The following AXIN1 variants were observed in gnomAD, a reference collection of about 807,000 sequenced individuals.
The protein encoded by AXIN1 is axin-1.
AXIN1 carries 30 observed loss-of-function variants against 76.4 expected under a neutral mutation model. That is an observed-to-expected ratio of 0.39 (90% confidence interval 0.29 to 0.53). The LOEUF (loss-of-function observed/expected upper bound fraction) is 0.53. AXIN1 is among the 20% of genes least tolerant of loss of function. The pLI is 0.66. For missense variants in AXIN1, 1,140 were observed against 1,198.8 expected (o/e 0.95, Z 0.72); for synonymous variants, 545 against 501.4 (o/e 1.09, Z -1.16).
intron 2 of AXIN1, among the ~76,000 whole-genome samples, chr16:327,194 C>T (rs1046951792): frequency 3.9e-5 from 6 of 151,940 alleles, no homozygotes; most frequent in East Asian, 3.9e-4. Flanking sequence ...ACTCCACCTA[C>T]GTATCTCGTG....
At chr16:323,068 G>A (rs2053493655) in intron 2 of AXIN1, among the ~76,000 whole-genome samples, 1 of 152,132 alleles carries the variant, frequency 6.6e-6, no homozygotes, top group Non-Finnish European at 1.5e-5. Flanking sequence ...TAGGAGAGCT[G>A]CTTAAGCCCA....
chr16:289,644 G>C (rs1462612865), intron 9 of AXIN1, 37 bp from the exon 10 acceptor site: 2 of 1,610,316 alleles, frequency 1.2e-6, no homozygotes, highest in African/African-American at 2.7e-5. Context: ...CCTGGTTTTG[G>C]ACTGAGGTCC....
intron 3 of AXIN1, among the ~76,000 whole-genome samples, chr16:313,444 G>T (rs534613988): frequency 3.9e-5 from 6 of 152,360 alleles, no homozygotes; most frequent in Admixed American, 3.3e-4. Flanking sequence ...TTTCCTCATG[G>T]AGAACCCAGC....
chr16:306,095 A>G (rs1411387197), intron 4 of AXIN1, among the ~76,000 whole-genome samples: 1 of 152,090 alleles, frequency 6.6e-6, no homozygotes. Context: ...CTGCTTTATC[A>G]TCCCCTTACC....
At chr16:345,436 C>T (rs1438499962) in intron 2 of AXIN1, among the ~76,000 whole-genome samples, 1 of 152,208 alleles carries the variant, frequency 6.6e-6, no homozygotes, top group Non-Finnish European at 1.5e-5. Context: ...ATAATCTGGC[C>T]GGATGCGGCG....
chr16:341,366 C>T (rs1233366388), intron 2 of AXIN1, among the ~76,000 whole-genome samples: 1 of 152,254 alleles, frequency 6.6e-6, no homozygotes, highest in Non-Finnish European at 1.5e-5. Flanking sequence ...AGCAGCCGGC[C>T]AGCCCTGCCG....
intron 2 of AXIN1, among the ~76,000 whole-genome samples, chr16:319,836 G>A (rs548920551): frequency 1.3e-5 from 2 of 152,274 alleles, no homozygotes; most frequent in African/African-American, 2.4e-5. Flanking sequence ...TTTTAATGAG[G>A]CTGTCTGGTC....
chr16:303,396 T>C (rs1014383816), intron 5 of AXIN1, among the ~76,000 whole-genome samples: 6 of 151,794 alleles, frequency 4.0e-5, no homozygotes, highest in African/African-American at 1.5e-4. Flanking sequence ...TTTTTTTTTT[T>C]TTGAGGTAGA....
Position 291,240 on chromosome 16 carries a change from C to T in AXIN1, c.2244G>A (p.Pro748=), listed in dbSNP as rs749621425. 6.3e-6 allele frequency: 10 copies of T among 1,587,180 alleles called. No individual in the cohort carries two copies. The African/African-American group carries it at 6.7e-5, about 11-fold the overall frequency. The change falls in exon 9 of 11, where the codon CCG becomes CCA. Residue 748 remains proline (P), a synonymous_variant. Transcript: ENST00000262320. ...GRACVRPACA[P]VLHVVPAVSD... ...ACACGGCTGGTACCACGTGCAGCAC[C>T]GGCGCGCACGCTGGCCTGACGCAGG...
intron 2 of AXIN1, among the ~76,000 whole-genome samples, chr16:322,806 GC>G (rs1310334770): frequency 6.6e-6 from 1 of 152,220 alleles, no homozygotes; most frequent in Non-Finnish European, 1.5e-5. Flanking sequence ...AGACACAAAA[GC>G]CTGGCAAGAA....
At chr16:327,748 C>T (rs761640095) in intron 2 of AXIN1, among the ~76,000 whole-genome samples, 3 of 152,234 alleles carry the variant, frequency 2.0e-5, no homozygotes, top group East Asian at 1.9e-4. Context: ...GCTTACAAAG[C>T]GGAAATGACA....
chr16:291,092 G>A lies in AXIN1; in HGVS notation c.2294+98C>T, dbSNP rs577009586. ...ACAGCTGCTTCTGAGCGTGGTACCC[G>A]AGCTCAAGCCCCGGGACGGCGGCTC... On this transcript the variant is annotated intron_variant, in intron 9 of 10. Coordinates refer to ENST00000262320, the MANE Select transcript of AXIN1 (RefSeq NM_003502.4). 1.6e-4 allele frequency: 191 copies of A among 1,167,750 alleles called. 1 individual carries two copies. Among genetic ancestry groups the A allele is most frequent in the Middle Eastern group, 1.1e-3 (5 of 4,640 alleles). The allele number at this position is 1,167,750 out of a possible 1,614,324, so 72.3% of individuals were successfully genotyped here. A position where few individuals can be genotyped will look rare whatever the true frequency, so the allele number is the denominator to read the frequency against.
intron 6 of AXIN1, 100 bp from the exon 7 acceptor site, chr16:297,326 G>A (rs214251): frequency 0.21 from 315,829 of 1,511,090 alleles, 35,790 homozygotes; most frequent in African/African-American, 0.39. Context: ...TAAGGCTCCC[G>A]TGGTGCAGCC....
At chr16:337,279 C>T (rs1344429527) in intron 2 of AXIN1, among the ~76,000 whole-genome samples, 1 of 146,666 alleles carries the variant, frequency 6.8e-6, no homozygotes, top group East Asian at 2.1e-4. Flanking sequence ...TAATTATAAA[C>T]ATGCTGTTAT....
At position 293,555 on chromosome 16, in the gene AXIN1, G is replaced by C. The variant is rs774052762; in HGVS notation, c.2119C>G (p.Leu707Val). ...PHPAPNPLTQ[L>V]EEARRRLEEE... ...TCCAGACGTCGGCGCGCCTCCTCCA[G>C]CTGGGTTAGGGGGTTGGGAGCTGGG... The change falls in exon 8 of 11, where the codon CTG becomes GTG. Residue 707 changes from leucine to valine, a missense_variant. By Grantham distance (32) the Leu-to-Val change is conservative (BLOSUM62 1). Coordinates refer to ENST00000262320, the MANE Select transcript of AXIN1 (RefSeq NM_003502.4). The surrounding 1 kb of genome is among the most constrained non-coding windows in gnomAD (Gnocchi z 4.6). 9 of 1,612,010 alleles carry C rather than the reference G, an allele frequency of 5.6e-6. No homozygotes were observed. The highest frequency in any genetic ancestry group is 7.6e-6 in the Non-Finnish European group (9 of 1,179,982).
intron 2 of AXIN1, among the ~76,000 whole-genome samples, chr16:328,612 C>G (rs987079073): frequency 9.2e-5 from 14 of 152,134 alleles, no homozygotes; most frequent in African/African-American, 3.4e-4. Context: ...GGGAGAATCA[C>G]CTGAACCCAG....
chr16:295,570 CTT>C (rs1351064668), intron 7 of AXIN1, among the ~76,000 whole-genome samples: 2 of 151,950 alleles, frequency 1.3e-5, no homozygotes, highest in East Asian at 3.9e-4. Context: ...AAAAAAAAGT[CTT>C]AATGAATAAA....
intron 3 of AXIN1, among the ~76,000 whole-genome samples, chr16:312,050 C>A (rs1003316645): frequency 1.3e-5 from 2 of 152,176 alleles, no homozygotes; most frequent in Non-Finnish European, 2.9e-5. Context: ...CTAACACTTG[C>A]CTCGGGGTTT....
At chr16:348,058 A>G (rs2054067545) in intron 1 of AXIN1, among the ~76,000 whole-genome samples, 1 of 152,216 alleles carries the variant, frequency 6.6e-6, no homozygotes, top group Admixed American at 6.5e-5. Flanking sequence ...TCAGGGAACT[A>G]TAGAATTTGC....
Sources: gnomAD v4.1 joint callset for allele counts (sites outside exome capture counted in the v4.1 genomes callset) on GRCh38, gnomAD v4.1.1 for gene constraint, Gnocchi (gnomAD v3.1) non-coding constraint, MANE v1.5 for transcripts, NCBI Gene and HGNC (gene_info 2026-07-23, HGNC 2026-07-21) for gene names.